The following MREG variants were observed in gnomAD, a reference collection of about 807,000 sequenced individuals.
The protein encoded by MREG is melanoregulin.
Under a neutral mutation model 28.5 loss-of-function variants are expected in MREG, and 31 were observed. That is an observed-to-expected ratio of 1.09 (90% CI 0.82 to 1.47). The LOEUF is 1.47. Ranked by LOEUF, MREG falls within the 40% of genes most tolerant of loss-of-function variation. The probability of loss-of-function intolerance (pLI) is 0.00; values close to 1 mark genes in which losing one functional copy is unlikely to be tolerated. For synonymous variants in MREG, 106 were observed against 95.2 expected, an observed-to-expected ratio of 1.11 and a Z score of -0.66; for missense variants, 256 against 257.4, an observed-to-expected ratio of 0.99 and a Z score of 0.04.
chr2:216,021,677 G>C (rs552210430), intron 1 of MREG, among the ~76,000 whole-genome samples: 1 of 152,258 alleles, frequency 6.6e-6, no homozygotes, highest in South Asian at 2.1e-4. Flanking sequence ...TATGGTCTTT[G>C]GCATAACAGT....
intron 1 of MREG, among the ~76,000 whole-genome samples, chr2:216,003,371 T>A (rs1694069332): frequency 6.6e-6 from 1 of 152,136 alleles, no homozygotes; most frequent in African/African-American, 2.4e-5. Flanking sequence ...GTGCCCTGCT[T>A]TCAAGGCTCG....
At chr2:215,961,227 A>C (rs1259703601) in intron 2 of MREG, among the ~76,000 whole-genome samples, 1 of 152,196 alleles carries the variant, frequency 6.6e-6, no homozygotes, top group East Asian at 1.9e-4. Context: ...TTTATGCTTT[A>C]GCTTGGATGT....
chr2:215,981,320 C>T (rs761875096), intron 2 of MREG, among the ~76,000 whole-genome samples: 5 of 152,118 alleles, frequency 3.3e-5, no homozygotes, highest in South Asian at 2.1e-4. Flanking sequence ...AATATTATTC[C>T]GCTTGAAAAA....
intron 1 of MREG, among the ~76,000 whole-genome samples, chr2:216,011,720 C>G (rs1375337524): frequency 1.2e-5 from 1 of 84,112 alleles, no homozygotes; most frequent in African/African-American, 4.0e-5. Context: ...AGGAGAGCAT[C>G]TAAGATTTTA....
At chr2:215,947,659 T>C (rs1306764688) in intron 2 of MREG, among the ~76,000 whole-genome samples, 1 of 152,198 alleles carries the variant, frequency 6.6e-6, no homozygotes, top group Non-Finnish European at 1.5e-5. Context: ...AAAATCTATG[T>C]CTCCCTTTGT....
At chr2:216,022,055 T>C (rs1006238272) in intron 1 of MREG, among the ~76,000 whole-genome samples, 14 of 152,106 alleles carry the variant, frequency 9.2e-5, no homozygotes, top group African/African-American at 3.1e-4. Flanking sequence ...CTGGCCAACA[T>C]GGTGAAACTC....
chr2:216,029,921 C>T (rs1042433681), intron 1 of MREG, among the ~76,000 whole-genome samples: 1 of 152,154 alleles, frequency 6.6e-6, no homozygotes, highest in African/African-American at 2.4e-5. Flanking sequence ...ATGGCTGAGT[C>T]GTATCTCTTA....
intron 2 of MREG, among the ~76,000 whole-genome samples, chr2:215,949,084 CTACT>C (rs1692409768): frequency 1.3e-4 from 15 of 115,426 alleles, no homozygotes; most frequent in South Asian, 3.0e-4. Flanking sequence ...ACTACTACTA[CTACT>C]AATAATAATA....
At chr2:215,989,665 T>G (rs771595579) in intron 2 of MREG, among the ~76,000 whole-genome samples, 3 of 151,960 alleles carry the variant, frequency 2.0e-5, no homozygotes, top group Non-Finnish European at 2.9e-5. Flanking sequence ...TTAGAGGAAT[T>G]GCTAACTACA....
intron 1 of MREG, among the ~76,000 whole-genome samples, chr2:216,023,554 G>A (rs1347377960): frequency 6.6e-6 from 1 of 152,068 alleles, no homozygotes; most frequent in African/African-American, 2.4e-5. Flanking sequence ...ATTGGTATTT[G>A]ATTTATTAGC....
intron 2 of MREG, among the ~76,000 whole-genome samples, chr2:215,978,032 A>G (rs1407386732): frequency 6.6e-6 from 1 of 152,200 alleles, no homozygotes; most frequent in African/African-American, 2.4e-5. Flanking sequence ...ACTTAAAATC[A>G]GAGCAGAATT....
At chr2:215,963,865 C>T (rs935694693) in intron 2 of MREG, among the ~76,000 whole-genome samples, 6 of 152,110 alleles carry the variant, frequency 3.9e-5, no homozygotes, top group African/African-American at 1.4e-4. Flanking sequence ...AGACAAACAT[C>T]ATTGCTTTGA....
intron 2 of MREG, among the ~76,000 whole-genome samples, chr2:215,972,320 GA>G: frequency 6.6e-6 from 1 of 152,286 alleles, no homozygotes; most frequent in South Asian, 2.1e-4. Flanking sequence ...AATTTAAAAA[GA>G]AAAGGAGGAA....
At chr2:215,975,320 T>A (rs1159222766) in intron 2 of MREG, among the ~76,000 whole-genome samples, 2 of 152,194 alleles carry the variant, frequency 1.3e-5, no homozygotes, top group Non-Finnish European at 2.9e-5. Context: ...ACCAGTACTT[T>A]CATTGGGTAG....
intron 2 of MREG, among the ~76,000 whole-genome samples, chr2:215,966,050 G>A (rs1041936547): frequency 2.0e-5 from 3 of 152,028 alleles, no homozygotes; most frequent in African/African-American, 7.3e-5. Context: ...AAATAATGAG[G>A]GGTATCAAAT....
chr2:216,004,933 G>A (rs1694110605), intron 1 of MREG, among the ~76,000 whole-genome samples: 1 of 152,116 alleles, frequency 6.6e-6, no homozygotes, highest in South Asian at 2.1e-4. Flanking sequence ...TAAAGTGAAG[G>A]AGTTATCCAC....
In MREG at chr2:215,974,745, C is replaced by T. The variant is rs185606945; in HGVS notation, c.255+21561G>A. On this transcript the variant is annotated intron_variant, in intron 2 of 4. Coordinates refer to ENST00000263268, the MANE Select transcript of MREG (RefSeq NM_018000.3). ...GATAAATGCTGACCAATGGCTTCAT[C>T]GCCTTTCTGCTTTATCTACTCTGGT... Among the ~76,000 whole-genome samples the T allele has an allele frequency of 3.3e-3, 499 of 151,854 alleles. 1 individual carries two copies. Among genetic ancestry groups the T allele is most frequent in the African/African-American group, 0.011 (469 of 41,410 alleles).
rs529263687 is a variant in MREG, at chr2:216,008,847, G to A, written c.95+4386C>T. On this transcript the variant is annotated intron_variant, in intron 1 of 4. Coordinates refer to ENST00000263268, the MANE Select transcript of MREG (RefSeq NM_018000.3). ...ACAAGCACTAAGCCCAATCTGTACA[G>A]GATCAGGAGCATGAGGGCAGGGAAG... Among the ~76,000 whole-genome samples the A allele has an allele frequency of 1.4e-3, 208 of 152,302 alleles. 1 individual carries two copies. Among genetic ancestry groups the A allele is most frequent in the African/African-American group, 4.7e-3 (195 of 41,548 alleles).
chr2:215,972,413 C>A (rs1204717420), intron 2 of MREG, among the ~76,000 whole-genome samples: 2 of 152,098 alleles, frequency 1.3e-5, no homozygotes, highest in African/African-American at 4.8e-5. Context: ...GAGGCCGAGG[C>A]AAGTGGATCA....
Sources: gnomAD v4.1 joint callset for allele counts (sites outside exome capture counted in the v4.1 genomes callset) on GRCh38, gnomAD v4.1.1 for gene constraint, MANE v1.5 for transcripts, NCBI Gene and HGNC (gene_info 2026-07-23, HGNC 2026-07-21) for gene names.